The following PCDH10 variants were observed in gnomAD, a reference collection of about 807,000 sequenced individuals.
PCDH10 encodes protocadherin-10.
In PCDH10, 15 loss-of-function variants were observed where a neutral mutation model predicts 74.4. The ratio of observed to expected loss-of-function variants is 0.20; its 90% CI spans 0.13 to 0.31. The LOEUF (loss-of-function observed/expected upper bound fraction) is 0.31, where lower values mean the gene tolerates loss of function less well. PCDH10 is among the 10% of genes least tolerant of loss of function. PCDH10 has a pLI of 1.00. For missense variants in PCDH10, 1,260 were observed against 1,390.2 expected, an observed-to-expected ratio of 0.91 and a Z score of 1.49; for synonymous variants, 619 against 589.8, an observed-to-expected ratio of 1.05 and a Z score of -0.72.
intron 2 of PCDH10, among the ~76,000 whole-genome samples, chr4:133,203,406 C>A (rs1419238258): frequency 6.6e-6 from 1 of 152,040 alleles, no homozygotes; most frequent in Admixed American, 6.5e-5. Context: ...AGGTTAGGGG[C>A]CTTTTCCAAG....
In PCDH10 at chr4:133,190,387, T is replaced by A. The variant is rs1200185164; in HGVS notation, c.*227T>A. ...TGTAGAAACTTTAGAGGCAACAGATTTTGCCTCCCCGATCAGTGTGTGCCT... is the reference window on the plus strand; with the variant it reads ...TGTAGAAACTTTAGAGGCAACAGATATTGCCTCCCCGATCAGTGTGTGCCT... On this transcript the variant is annotated 3_prime_UTR_variant, in exon 5 of 5. Coordinates refer to ENST00000264360, the MANE Select transcript of PCDH10 (RefSeq NM_032961.3). The A allele has an allele frequency of 1.7e-6, 1 of 586,242 alleles. No individual in the cohort carries two copies. Among genetic ancestry groups the A allele is most frequent in the Non-Finnish European group, 3.1e-6 (1 of 322,076 alleles). 36.3% of individuals were successfully genotyped at this position (586,242 alleles called of 1,614,324 possible).
intron 4 of PCDH10, among the ~76,000 whole-genome samples, chr4:133,166,566 T>C (rs1259130724): frequency 2.0e-5 from 3 of 151,494 alleles, no homozygotes; most frequent in Non-Finnish European, 4.4e-5. Context: ...AAGAATGTAA[T>C]TGACAAAAGT....
rs756923961 is a variant in PCDH10, at chr4:133,190,253, A to G, written c.*93A>G. The G allele has an allele frequency of 9.4e-5, 104 of 1,111,564 alleles. No homozygotes were observed. The highest frequency in any genetic ancestry group is 1.4e-4 in the Non-Finnish European group (99 of 723,614). 68.9% of individuals were successfully genotyped at this position (1,111,564 alleles called of 1,614,324 possible). On this transcript the variant is annotated 3_prime_UTR_variant, in exon 5 of 5. Coordinates refer to ENST00000264360, the MANE Select transcript of PCDH10 (RefSeq NM_032961.3). ...TTCAACTTCATTATCTTGGCCATCC[A>G]GTTAGTCATGTGTAACTGAGTATTA...
At chr4:133,207,649 T>A (rs556444804) in intron 2 of PCDH10, among the ~76,000 whole-genome samples, 1 of 152,260 alleles carries the variant, frequency 6.6e-6, no homozygotes, top group African/African-American at 2.4e-5. Flanking sequence ...ACTGTACTCA[T>A]CAATTACAAG....
intron 4 of PCDH10, among the ~76,000 whole-genome samples, chr4:133,177,628 A>AT (rs1421247841): frequency 6.6e-6 from 1 of 152,048 alleles, no homozygotes. Context: ...AAAATTTCTC[A>AT]TTTTTTTACA....
rs777602285 is a variant in PCDH10 at position 133,154,417 on chromosome 4, A to T, written c.2690+52A>T. ...TAATGGACAATTTACAACCTAGTAAAAGTAGGAAGTAGGTATATTATTCTA... is the reference window on the plus strand; with the variant it reads ...TAATGGACAATTTACAACCTAGTAATAGTAGGAAGTAGGTATATTATTCTA... On this transcript the variant is annotated intron_variant, in intron 2 of 4. Transcript: ENST00000264360. 8 of 935,238 alleles carry T rather than the reference A, an allele frequency of 8.6e-6. No homozygotes were observed. In the Admixed American group the frequency reaches 1.9e-4, roughly 23 times the overall value. The allele number at this position is 935,238 out of a possible 1,614,324, so 57.9% of individuals were successfully genotyped here.
At chr4:133,159,027 A>G (rs1248939898) in intron 3 of PCDH10, among the ~76,000 whole-genome samples, 2 of 152,056 alleles carry the variant, frequency 1.3e-5, no homozygotes, top group Admixed American at 6.6e-5. Context: ...ACATACTGCA[A>G]TTTTTGTGGT....
chr4:133,162,973 A>T lies in PCDH10; in HGVS notation c.2798-4A>T. 1 of 1,603,614 alleles carries T rather than the reference A, an allele frequency of 6.2e-7. No homozygotes were observed. The highest frequency in any genetic ancestry group is 8.5e-7 in the Non-Finnish European group (1 of 1,172,142). On this transcript the variant is annotated splice_polypyrimidine_tract_variant and splice_region_variant and intron_variant, in intron 3 of 4. Coordinates refer to ENST00000264360, the MANE Select transcript of PCDH10 (RefSeq NM_032961.3). Reference sequence around the variant, plus strand: ...CATCCGTAGTTTCTGTTTTCTGCTTACAGGTATGGATCTCTTCTCCAATTG... The same window carrying T: ...CATCCGTAGTTTCTGTTTTCTGCTTTCAGGTATGGATCTCTTCTCCAATTG...
chr4:133,184,968 G>A (rs1029722713), intron 4 of PCDH10, among the ~76,000 whole-genome samples: 4 of 147,876 alleles, frequency 2.7e-5, no homozygotes, highest in African/African-American at 9.8e-5. Flanking sequence ...AATTTTGTTT[G>A]ATTTAATCAT....
intron 2 of PCDH10, among the ~76,000 whole-genome samples, chr4:133,205,824 G>C (rs1727989768): frequency 1.3e-5 from 2 of 151,892 alleles, no homozygotes; most frequent in Admixed American, 1.3e-4. Flanking sequence ...TTTTCAGAAT[G>C]TTCCTCTTTT....
chr4:133,194,073 T>C lies in PCDH10; in HGVS notation c.*3913T>C, dbSNP rs1727740183. The stretch of plus-strand genomic sequence containing the variant: ...TCAAATCTTGGCATAGGTTTTAGAT[T>C]ATAGCATTCTGTATGAATGCAGGTA... On this transcript the variant is annotated 3_prime_UTR_variant, in exon 5 of 5. Transcript: ENST00000264360. 1 of 151,822 alleles carries C rather than the reference T, an allele frequency of 6.6e-6. No homozygotes were observed. The highest frequency in any genetic ancestry group is 2.1e-4 in the South Asian group (1 of 4,830). The allele number at this position is 151,822 out of a possible 1,614,324, so 9.4% of individuals were successfully genotyped here. A position where few individuals can be genotyped will look rare whatever the true frequency, so the allele number is the denominator to read the frequency against.
chr4:133,164,621 C>T (rs1727041191), intron 4 of PCDH10, among the ~76,000 whole-genome samples: 2 of 151,658 alleles, frequency 1.3e-5, no homozygotes, highest in Non-Finnish European at 3.0e-5. Context: ...TCAACTTGCC[C>T]TCTTTTGCTC....
chr4:133,153,127 G>C, intron 1 of PCDH10: 1 of 1,254,498 alleles, frequency 8.0e-7, no homozygotes, highest in Non-Finnish European at 1.0e-6. Context: ...TTACTTTCTA[G>C]CACTGGCAAA....
At chr4:133,168,074 G>A (rs193268332) in intron 4 of PCDH10, among the ~76,000 whole-genome samples, 6 of 150,894 alleles carry the variant, frequency 4.0e-5, no homozygotes, top group South Asian at 2.1e-4. Context: ...TTCATAGTTC[G>A]TGTTATTCCT....
rs1270119400 is a variant in PCDH10, at chr4:133,151,812, G to T, written c.1672G>T (p.Ala558Ser). 2 of 1,613,090 alleles carry T rather than the reference G, an allele frequency of 1.2e-6. No homozygotes were observed. Among genetic ancestry groups the T allele is most frequent in the South Asian group, 2.2e-5 (2 of 91,088 alleles). The part of the protein sequence containing the change: ...AGSPQALAGN[A>S]TVNILIVDQN... Reference sequence around the variant, plus strand: ...CAGCCCCCAGGCGCTGGCTGGTAACGCCACTGTCAACATCCTCATAGTGGA... The same window carrying T: ...CAGCCCCCAGGCGCTGGCTGGTAACTCCACTGTCAACATCCTCATAGTGGA... Residue 558 changes from alanine (A) to serine (S), a missense_variant, in exon 1 of 5, where the codon GCC (alanine) becomes TCC (serine). Physicochemically the swap from Ala to Ser is moderately conservative, Grantham distance 99 (BLOSUM62 1). Around this residue, in one of 11 missense-constraint regions of PCDH10, gnomAD observed 587 missense variants for 616.9 expected, o/e 0.95. Transcript: ENST00000264360.
At position 133,152,617 on chromosome 4, in the gene PCDH10, C is replaced by T. The variant is rs1578558231; in HGVS notation, c.2477C>T (p.Thr826Ile). The part of the protein sequence containing the change: ...NQNYCYQVCL[T>I]PESAKTDLMF... The stretch of plus-strand genomic sequence containing the variant: ...AATTACTGCTATCAGGTATGCCTGA[C>T]CCCTGAGTCCGCCAAGACCGACCTG... The change falls in exon 1 of 5, where the codon ACC (threonine) becomes ATC (isoleucine). Residue 826 changes from threonine to isoleucine, a missense_variant. Physicochemically the swap from Thr to Ile is moderately conservative, Grantham distance 89. Around this residue, in one of 11 missense-constraint regions of PCDH10, gnomAD observed 587 missense variants for 616.9 expected, o/e 0.95. Transcript: ENST00000264360. The T allele has an allele frequency of 6.2e-7, 1 of 1,614,192 alleles. No homozygotes were observed. The highest frequency in any genetic ancestry group is 8.5e-7 in the Non-Finnish European group (1 of 1,180,022).
At chr4:133,188,510 C>T (rs1182118066) in intron 4 of PCDH10, among the ~76,000 whole-genome samples, 1 of 151,888 alleles carries the variant, frequency 6.6e-6, no homozygotes, top group Non-Finnish European at 1.5e-5. Context: ...ATAATGACTA[C>T]CATATATTGT....
intron 2 of PCDH10, among the ~76,000 whole-genome samples, chr4:133,206,988 G>A (rs1728020279): frequency 6.6e-6 from 1 of 151,610 alleles, no homozygotes; most frequent in Non-Finnish European, 1.5e-5. Context: ...ATATTAATTG[G>A]TTTATTTCAT....
downstream of PCDH10, among the ~76,000 whole-genome samples, chr4:133,195,764 A>G (rs1727783657): frequency 6.6e-6 from 1 of 152,142 alleles, no homozygotes; most frequent in African/African-American, 2.4e-5. Context: ...AAAATAGATT[A>G]GAAAAGTATC....
Sources: allele counts gnomAD v4.1 joint callset (sites outside exome capture counted in the v4.1 genomes callset), GRCh38; gene constraint gnomAD v4.1.1; regional missense constraint gnomAD v4.1.1; transcripts MANE v1.5; gene names NCBI Gene and HGNC (gene_info 2026-07-23, HGNC 2026-07-21).